CRADD: variants seen among roughly 807,000 people sequenced by gnomAD.
CRADD encodes the protein CARD and death domain containing adaptor protein.
In CRADD, 9 loss-of-function variants were observed where a neutral mutation model predicts 15.5. The observed-to-expected ratio is 0.58, with a 90% confidence interval of 0.35 to 1.01. The LOEUF (loss-of-function observed/expected upper bound fraction) is 1.01. CRADD is among the 50% of genes least tolerant of loss of function. The probability of loss-of-function intolerance (pLI) is 0.02; values close to 1 mark genes in which losing one functional copy is unlikely to be tolerated. For synonymous variants in CRADD, 118 were observed against 107.6 expected, an observed-to-expected ratio of 1.10 and a Z score of -0.60; for missense variants, 227 against 250.3, an observed-to-expected ratio of 0.91 and a Z score of 0.63.
chr12:93,814,408 C>T lies in CRADD; in HGVS notation c.299-35562C>T, dbSNP rs184272533. Among the ~76,000 whole-genome samples the T allele has an allele frequency of 1.5e-4, 23 of 152,262 alleles. No individual in the cohort carries two copies. In the East Asian group the frequency reaches 4.4e-3, roughly 29 times the overall value. ...TAAAGTTCATGTTCCCCCCAGAGTA[C>T]ACAAGGTTCAAGTGGGATTACCCAG... On this transcript the variant is annotated intron_variant, in intron 2 of 2. Transcript: ENST00000332896.
At chr12:93,735,503 T>C (rs906005140) in intron 2 of CRADD, 6 of 152,236 alleles carry the variant, frequency 3.9e-5, no homozygotes, top group African/African-American at 1.4e-4. Context: ...AAAGAGACTA[T>C]AGTGCCTGGT....
chr12:93,752,173 G>T (rs150152072), intron 2 of CRADD, among the ~76,000 whole-genome samples: 4 of 152,234 alleles, frequency 2.6e-5, no homozygotes, highest in African/African-American at 7.2e-5. Context: ...TCATTCCCCA[G>T]TGGAGGGTAA....
At chr12:93,852,310 G>A (rs1180456257), downstream of CRADD, among the ~76,000 whole-genome samples, 1 of 152,224 alleles carries the variant, frequency 6.6e-6, no homozygotes, top group African/African-American at 2.4e-5. Flanking sequence ...TTAGAAGCAG[G>A]TCTGATGATT....
rs565137125 is a variant in CRADD at position 93,818,990 on chromosome 12, G to A, written c.299-30980G>A. Among the ~76,000 whole-genome samples the A allele has an allele frequency of 4.6e-5, 7 of 152,332 alleles. No individual in the cohort carries two copies. The East Asian group carries it at 1.2e-3, about 25-fold the overall frequency. On this transcript the variant is annotated intron_variant, in intron 2 of 2. Coordinates refer to ENST00000332896, the MANE Select transcript of CRADD (RefSeq NM_003805.5). Reference sequence around the variant, plus strand: ...GATCAGCAGCAAGAAAGAACAATTAGCCAATTCATTATGTTGACATTTCTA... The same window carrying A: ...GATCAGCAGCAAGAAAGAACAATTAACCAATTCATTATGTTGACATTTCTA...
intron 2 of CRADD, among the ~76,000 whole-genome samples, chr12:93,683,214 C>T (rs941191890): frequency 1.3e-5 from 2 of 152,130 alleles, no homozygotes; most frequent in African/African-American, 2.4e-5. Context: ...TGGGACTCAG[C>T]GTAAATCACG....
At chr12:93,794,493 C>G (rs1957391472) in intron 2 of CRADD, among the ~76,000 whole-genome samples, 1 of 152,130 alleles carries the variant, frequency 6.6e-6, no homozygotes, top group African/African-American at 2.4e-5. Flanking sequence ...CTTTTTCCCT[C>G]ATATCCCACA....
rs147044289 is a variant in CRADD at position 93,847,284 on chromosome 12, A to C, written c.299-2686A>C. On this transcript the variant is annotated intron_variant, in intron 2 of 2. Coordinates refer to ENST00000332896, the MANE Select transcript of CRADD (RefSeq NM_003805.5). Reference sequence around the variant, plus strand: ...GCAACCCCTACCATAAAGTACGAACAAGGTCTACAAACTTTTAAGGGAAAT... The same window carrying C: ...GCAACCCCTACCATAAAGTACGAACCAGGTCTACAAACTTTTAAGGGAAAT... Among the ~76,000 whole-genome samples, 28 of 152,154 alleles carry C rather than the reference A, an allele frequency of 1.8e-4. No individual in the cohort carries two copies. The East Asian group carries it at 3.3e-3, about 18-fold the overall frequency.
chr12:93,889,562 T>G (rs1454152416), intron 2 of CRADD, among the ~76,000 whole-genome samples: 1 of 152,136 alleles, frequency 6.6e-6, no homozygotes, highest in Non-Finnish European at 1.5e-5. Flanking sequence ...TCTCACCTGG[T>G]GTTGGCCTGT....
At chr12:93,744,929 C>T (rs1407737524) in intron 2 of CRADD, among the ~76,000 whole-genome samples, 1 of 152,114 alleles carries the variant, frequency 6.6e-6, no homozygotes, top group Non-Finnish European at 1.5e-5. Context: ...ATAATAATTG[C>T]ATTTTAAAAA....
chr12:93,848,386 G>A (rs781741047), intron 2 of CRADD, among the ~76,000 whole-genome samples: 4 of 152,192 alleles, frequency 2.6e-5, no homozygotes, highest in Non-Finnish European at 5.9e-5. Flanking sequence ...ATCAGCTCTT[G>A]TAATAAGGTG....
chr12:93,813,940 A>G (rs1005065097), intron 2 of CRADD, among the ~76,000 whole-genome samples: 1 of 152,176 alleles, frequency 6.6e-6, no homozygotes, highest in African/African-American at 2.4e-5. Flanking sequence ...CCAGCTACCG[A>G]GAGTGCCACA....
intron 2 of CRADD, among the ~76,000 whole-genome samples, chr12:93,710,799 T>C (rs1956052322): frequency 6.6e-6 from 1 of 152,120 alleles, no homozygotes; most frequent in African/African-American, 2.4e-5. Flanking sequence ...CAGACAGGGA[T>C]AGGAAGAATG....
At chr12:93,764,861 A>G (rs185781529) in intron 2 of CRADD, among the ~76,000 whole-genome samples, 1 of 151,412 alleles carries the variant, frequency 6.6e-6, no homozygotes, top group African/African-American at 2.4e-5. Context: ...TTAACTTTCT[A>G]TGAGTGTGGT....
At chr12:93,879,565 T>A (rs1958480382) in intron 2 of CRADD, among the ~76,000 whole-genome samples, 1 of 152,170 alleles carries the variant, frequency 6.6e-6, no homozygotes, top group Non-Finnish European at 1.5e-5. Context: ...TACTCCAAGG[T>A]TCATGGGCAG....
At chr12:93,795,571 C>T (rs1172918354) in intron 2 of CRADD, among the ~76,000 whole-genome samples, 1 of 152,206 alleles carries the variant, frequency 6.6e-6, no homozygotes, top group African/African-American at 2.4e-5. Context: ...CCTACCCCAT[C>T]TGAGCAAAGA....
At chr12:93,796,994 G>A (rs1187633505) in intron 2 of CRADD, among the ~76,000 whole-genome samples, 1 of 152,154 alleles carries the variant, frequency 6.6e-6, no homozygotes, top group Non-Finnish European at 1.5e-5. Flanking sequence ...CCTCCACTGG[G>A]ACCAACCCCT....
At chr12:93,846,686 G>A (rs983745405) in intron 2 of CRADD, among the ~76,000 whole-genome samples, 3 of 151,170 alleles carry the variant, frequency 2.0e-5, no homozygotes, top group Admixed American at 2.0e-4. Context: ...AAAGCAATAA[G>A]GACAATATAA....
intron 2 of CRADD, among the ~76,000 whole-genome samples, chr12:93,858,662 T>C (rs1958294603): frequency 6.6e-6 from 1 of 152,182 alleles, no homozygotes; most frequent in Admixed American, 6.5e-5. Flanking sequence ...CCATAGAAAC[T>C]GTAATCCCTC....
Position 93,702,026 on chromosome 12 carries a change from C to T in CRADD, c.298+22954C>T, listed in dbSNP as rs114781409. On this transcript the variant is annotated intron_variant, in intron 2 of 2. Coordinates refer to ENST00000332896, the MANE Select transcript of CRADD (RefSeq NM_003805.5). ...TTTCTCCATGTTTTAACATAGATAC[C>T]GGTAAACTTATCTAACGCTTCCCTA... Among the ~76,000 whole-genome samples, 655 of 151,972 alleles carry T rather than the reference C, an allele frequency of 4.3e-3. 8 individuals are homozygous for T. The highest frequency in any genetic ancestry group is 0.015 in the African/African-American group (615 of 41,408).
Sources: allele counts gnomAD v4.1 joint callset (sites outside exome capture counted in the v4.1 genomes callset), GRCh38; gene constraint gnomAD v4.1.1; transcripts MANE v1.5; gene names NCBI Gene and HGNC (gene_info 2026-07-23, HGNC 2026-07-21).